APPBP2: variants seen among roughly 807,000 people sequenced by gnomAD.
APPBP2 encodes the protein amyloid protein-binding protein 2.
In APPBP2, 15 loss-of-function variants were observed where a neutral mutation model predicts 76.0. The ratio of observed to expected loss-of-function variants is 0.20; its 90% CI spans 0.13 to 0.30. APPBP2 has a LOEUF of 0.30. Ranked by LOEUF, APPBP2 falls within the 10% of genes least tolerant of loss-of-function variation. The probability of loss-of-function intolerance (pLI) is 1.00; values close to 1 mark genes in which losing one functional copy is unlikely to be tolerated. For synonymous variants in APPBP2, 222 were observed against 242.2 expected, an observed-to-expected ratio of 0.92 and a Z score of 0.77; for missense variants, 401 against 687.2, an observed-to-expected ratio of 0.58 and a Z score of 4.66.
chr17:60,460,589 T>G, intron 9 of APPBP2, 74 bp downstream of exon 9: 1 of 1,458,864 alleles, frequency 6.9e-7, no homozygotes, highest in Non-Finnish European at 9.3e-7. Flanking sequence ...GTAATAATAG[T>G]TCCCTAATGG....
intron 11 of APPBP2, among the ~76,000 whole-genome samples, chr17:60,453,544 T>G (rs1300961969): frequency 3.3e-5 from 5 of 150,708 alleles, no homozygotes; most frequent in Non-Finnish European, 7.4e-5. Flanking sequence ...CTGTTTTTTT[T>G]TTTGTTTTTT....
At chr17:60,522,449 G>A (rs1452374534) in intron 1 of APPBP2, among the ~76,000 whole-genome samples, 2 of 152,022 alleles carry the variant, frequency 1.3e-5, no homozygotes, top group East Asian at 1.9e-4. Flanking sequence ...TCAGCCTCCC[G>A]AGTAGCTGGG....
intron 3 of APPBP2, among the ~76,000 whole-genome samples, chr17:60,482,752 G>A (rs1033304775): frequency 6.6e-6 from 1 of 152,170 alleles, no homozygotes; most frequent in Non-Finnish European, 1.5e-5. Context: ...TCCCTACAAA[G>A]GACATGAACT....
At chr17:60,486,619 C>A (rs2090680449) in intron 3 of APPBP2, among the ~76,000 whole-genome samples, 1 of 152,150 alleles carries the variant, frequency 6.6e-6, no homozygotes, top group African/African-American at 2.4e-5. Context: ...CTAAATACAG[C>A]ACACTGATGG....
chr17:60,525,631 T>TG (rs1386624966), intron 1 of APPBP2, among the ~76,000 whole-genome samples, 163 bp downstream of exon 1: 1 of 152,066 alleles, frequency 6.6e-6, no homozygotes, highest in Non-Finnish European at 1.5e-5. Context: ...CATAGGGAGA[T>TG]GGGGTGCTTC....
At chr17:60,500,377 A>T in intron 2 of APPBP2, 22 bp downstream of exon 2, 2 of 1,499,354 alleles carry the variant, frequency 1.3e-6, no homozygotes, top group South Asian at 2.4e-5. Context: ...TATATTTTAC[A>T]ATTTTTTAAA....
rs2090345246 is a variant in APPBP2 at position 60,446,181 on chromosome 17, A to G, written c.*1400T>C. ...CCCTGAAAATAGGGGGGGAACCCAGATTCTTAACTATAGAAGCATCAGATG... is the reference window on the plus strand; with the variant it reads ...CCCTGAAAATAGGGGGGGAACCCAGGTTCTTAACTATAGAAGCATCAGATG... On this transcript the variant is annotated 3_prime_UTR_variant, in exon 13 of 13. Coordinates refer to ENST00000083182, the MANE Select transcript of APPBP2 (RefSeq NM_006380.5). The G allele has an allele frequency of 6.6e-6, 1 of 152,592 alleles. No individual in the cohort carries two copies. Among genetic ancestry groups the G allele is most frequent in the African/African-American group, 2.4e-5 (1 of 41,460 alleles). 9.5% of individuals were successfully genotyped at this position (152,592 alleles called of 1,614,324 possible).
rs561785366 is a variant in APPBP2 at position 60,502,693 on chromosome 17, A to G, written c.139-2206T>C. On this transcript the variant is annotated intron_variant, in intron 1 of 12. Transcript: ENST00000083182. ...AACATGGAGAAATCCTGTCTCTACT[A>G]AAAATATAAAAATTAAACAGGCCAT... 3.0e-4 allele frequency among the ~76,000 whole-genome samples: 44 copies of G among 146,324 alleles called. 12 individuals carry two copies. The highest frequency in any genetic ancestry group is 1.2e-3 in the African/African-American group (42 of 35,890).
In APPBP2 at chr17:60,526,201, C is replaced by T. The variant is rs899309367; in HGVS notation, c.-270G>A. The T allele has an allele frequency of 1.1e-5, 5 of 450,930 alleles. No individual in the cohort carries two copies. Among genetic ancestry groups the T allele is most frequent in the African/African-American group, 2.0e-5 (1 of 50,184 alleles). 27.9% of individuals were successfully genotyped at this position (450,930 alleles called of 1,614,324 possible). ...TCCCGGTTCGAGAGGAACCCGGGTT[C>T]CGTCCCAGCGCTGATCTCTGCAGGG... is the stretch of plus-strand genomic sequence containing the variant. On this transcript the variant is annotated 5_prime_UTR_variant, in exon 1 of 13. Coordinates refer to ENST00000083182, the MANE Select transcript of APPBP2 (RefSeq NM_006380.5).
chr17:60,447,915 T>A lies in APPBP2; in HGVS notation c.1505-81A>T, dbSNP rs1381400497. ...CAATTTCTATAACATGAACACAAGTTCAATTCTTTAAACAGGGTGGCTTAG... is the reference window on the plus strand; with the variant it reads ...CAATTTCTATAACATGAACACAAGTACAATTCTTTAAACAGGGTGGCTTAG... On this transcript the variant is annotated intron_variant, in intron 12 of 12. Coordinates refer to ENST00000083182, the MANE Select transcript of APPBP2 (RefSeq NM_006380.5). 10 of 1,333,832 alleles carry A rather than the reference T, an allele frequency of 7.5e-6. No homozygotes were observed. In the South Asian group the frequency reaches 1.2e-4, roughly 15 times the overall value. The allele number at this position is 1,333,832 out of a possible 1,614,324, so 82.6% of individuals were successfully genotyped here. A position where few individuals can be genotyped will look rare whatever the true frequency, so the allele number is the denominator to read the frequency against.
chr17:60,520,100 A>T, intron 1 of APPBP2, among the ~76,000 whole-genome samples: 1 of 152,082 alleles, frequency 6.6e-6, no homozygotes, highest in Non-Finnish European at 1.5e-5. Flanking sequence ...GTATTTTTTT[A>T]AATTCTCAGA....
At chr17:60,512,832 T>TAAAAAAAAAAAAAAAAAA (rs770075935) in intron 1 of APPBP2, among the ~76,000 whole-genome samples, 1 of 29,926 alleles carries the variant, frequency 3.3e-5, no homozygotes, top group African/African-American at 1.3e-4. Flanking sequence ...AGACTCCATC[T>TAAAAAAAAAAAAAAAAAA]AAAAAAAAAA....
At chr17:60,506,919 C>A (rs1003890733) in intron 1 of APPBP2, among the ~76,000 whole-genome samples, 4 of 152,020 alleles carry the variant, frequency 2.6e-5, no homozygotes, top group Non-Finnish European at 4.4e-5. Flanking sequence ...GCCTGTAGTC[C>A]CAGCTACTTG....
intron 2 of APPBP2, among the ~76,000 whole-genome samples, chr17:60,500,016 T>TA (rs1316092725): frequency 6.6e-6 from 1 of 151,128 alleles, no homozygotes; most frequent in Non-Finnish European, 1.5e-5. Flanking sequence ...AATATACTTT[T>TA]TTTTTTTTTT....
intron 8 of APPBP2, chr17:60,461,030 G>A: frequency 4.4e-6 from 1 of 225,410 alleles, no homozygotes; most frequent in South Asian, 1.0e-4. Flanking sequence ...TCATTCCTAT[G>A]TCTTGAGAAT....
chr17:60,523,306 T>C (rs1385189343), intron 1 of APPBP2, among the ~76,000 whole-genome samples: 1 of 151,642 alleles, frequency 6.6e-6, no homozygotes, highest in Non-Finnish European at 1.5e-5. Flanking sequence ...CTGGGCAATA[T>C]ATCAAGACCT....
intron 4 of APPBP2, among the ~76,000 whole-genome samples, chr17:60,476,791 C>T (rs569581676): frequency 2.6e-4 from 39 of 152,066 alleles, no homozygotes; most frequent in Non-Finnish European, 4.4e-4. Context: ...TGAGGTCTTG[C>T]TGGTCTCCAA....
At chr17:60,453,498 T>C (rs1043787093) in intron 11 of APPBP2, among the ~76,000 whole-genome samples, 2 of 152,048 alleles carry the variant, frequency 1.3e-5, no homozygotes, top group African/African-American at 4.8e-5. Flanking sequence ...TATATTAATC[T>C]TTTTAGTTTG....
intron 1 of APPBP2, among the ~76,000 whole-genome samples, chr17:60,513,919 G>A (rs1435987055): frequency 1.3e-4 from 20 of 148,230 alleles, no homozygotes; most frequent in Non-Finnish European, 1.9e-4. Flanking sequence ...TACCCCTGGA[G>A]TAAACACCAT....
Sources: gnomAD v4.1 joint callset for allele counts (sites outside exome capture counted in the v4.1 genomes callset) on GRCh38, gnomAD v4.1.1 for gene constraint, MANE v1.5 for transcripts, NCBI Gene and HGNC (gene_info 2026-07-23, HGNC 2026-07-21) for gene names.